CNBD1: variants seen among roughly 807,000 people sequenced by gnomAD.
CNBD1 encodes cyclic nucleotide-binding domain-containing protein 1.
A neutral mutation model predicts 54.4 loss-of-function variants in CNBD1; 71 were observed. The ratio of observed to expected loss-of-function variants is 1.30; its 90% CI spans 1.08 to 1.59. The LOEUF (loss-of-function observed/expected upper bound fraction) is 1.59. Ranked by LOEUF, CNBD1 falls within the 40% of genes most tolerant of loss-of-function variation. The pLI, the probability that CNBD1 is intolerant of heterozygous loss-of-function variation, is 0.00. For missense variants in CNBD1, 659 were observed against 518.0 expected, an observed-to-expected ratio of 1.27 and a Z score of -2.64; for synonymous variants, 182 against 170.7, an observed-to-expected ratio of 1.07 and a Z score of -0.51.
chr8:86,985,133 T>C (rs1808578712), intron 4 of CNBD1, among the ~76,000 whole-genome samples: 1 of 152,118 alleles, frequency 6.6e-6, no homozygotes, highest in Non-Finnish European at 1.5e-5. Context: ...AAAGGAGATT[T>C]TCCCTTCCCA....
chr8:87,081,608 C>A (rs960826315), intron 4 of CNBD1, among the ~76,000 whole-genome samples: 1 of 151,190 alleles, frequency 6.6e-6, no homozygotes, highest in Non-Finnish European at 1.5e-5. Flanking sequence ...CTGGTTCAAG[C>A]GATTCTCCTG....
chr8:87,233,867 T>G (rs1235718463), intron 5 of CNBD1, among the ~76,000 whole-genome samples: 1 of 152,228 alleles, frequency 6.6e-6, no homozygotes, highest in Non-Finnish European at 1.5e-5. Context: ...TAATGCTGTT[T>G]GATAGCATTT....
chr8:87,375,083 C>T (rs1810897778), intron 10 of CNBD1, among the ~76,000 whole-genome samples: 1 of 151,796 alleles, frequency 6.6e-6, no homozygotes, highest in Non-Finnish European at 1.5e-5. Context: ...TTATACAGTA[C>T]ATTTAGAAAT....
intron 2 of CNBD1, among the ~76,000 whole-genome samples, chr8:86,894,464 A>C (rs1392893666): frequency 6.6e-6 from 1 of 152,168 alleles, no homozygotes; most frequent in East Asian, 1.9e-4. Context: ...CCATATGATC[A>C]ATATCTTGCA....
At chr8:87,274,379 T>G (rs1808432350) in intron 6 of CNBD1, among the ~76,000 whole-genome samples, 1 of 147,152 alleles carries the variant, frequency 6.8e-6, no homozygotes, top group African/African-American at 2.6e-5. Flanking sequence ...TAGTTTACAG[T>G]CCCACCAACA....
At chr8:87,322,351 T>A (rs1356150964) in intron 8 of CNBD1, among the ~76,000 whole-genome samples, 1 of 119,344 alleles carries the variant, frequency 8.4e-6, no homozygotes, top group Non-Finnish European at 1.9e-5. Context: ...ATGGTATTTC[T>A]AGTTCTAGAT....
At chr8:87,300,171 T>A (rs1808957038) in intron 8 of CNBD1, among the ~76,000 whole-genome samples, 1 of 152,148 alleles carries the variant, frequency 6.6e-6, no homozygotes, top group African/African-American at 2.4e-5. Context: ...AATATTATAG[T>A]TTTATGAATT....
chr8:87,369,735 T>A (rs910410028), intron 10 of CNBD1, among the ~76,000 whole-genome samples: 3 of 151,796 alleles, frequency 2.0e-5, no homozygotes, highest in African/African-American at 7.3e-5. Flanking sequence ...CTTTTTTTTT[T>A]ATTATTATAC....
At chr8:87,257,989 G>C (rs1391615424) in intron 6 of CNBD1, among the ~76,000 whole-genome samples, 1 of 151,970 alleles carries the variant, frequency 6.6e-6, no homozygotes, top group African/African-American at 2.4e-5. Context: ...ATACAATTTT[G>C]AAACATATCT....
At chr8:87,416,341 A>T (rs1563593847) in intron 2 of CNBD1, among the ~76,000 whole-genome samples, 1 of 152,170 alleles carries the variant, frequency 6.6e-6, no homozygotes. Flanking sequence ...GTTTTCAGTT[A>T]TTTGCAAATT....
intron 4 of CNBD1, among the ~76,000 whole-genome samples, chr8:86,946,257 A>AC (rs1278109847): frequency 7.9e-5 from 12 of 152,240 alleles, no homozygotes; most frequent in Middle Eastern, 3.4e-3. Flanking sequence ...AATTTCTCCT[A>AC]CAACTTATGA....
downstream of CNBD1, among the ~76,000 whole-genome samples, chr8:87,384,083 C>G (rs913022982): frequency 6.6e-6 from 1 of 152,020 alleles, no homozygotes; most frequent in Non-Finnish European, 1.5e-5. Context: ...AATCATTTGG[C>G]TTGTCCTTTA....
intron 6 of CNBD1, among the ~76,000 whole-genome samples, chr8:87,250,752 A>C (rs1341255346): frequency 1.3e-5 from 2 of 152,194 alleles, no homozygotes; most frequent in Non-Finnish European, 2.9e-5. Flanking sequence ...TTAGCACTCA[A>C]ATGTGGGAGC....
chr8:86,914,432 A>C (rs1168385515), intron 3 of CNBD1, among the ~76,000 whole-genome samples: 1 of 152,236 alleles, frequency 6.6e-6, no homozygotes, highest in Non-Finnish European at 1.5e-5. Flanking sequence ...GCCATAGGCT[A>C]TACCATATTA....
At chr8:87,315,355 G>A (rs184228089) in intron 8 of CNBD1, among the ~76,000 whole-genome samples, 1 of 152,052 alleles carries the variant, frequency 6.6e-6, no homozygotes, top group East Asian at 1.9e-4. Context: ...AGGAATACTT[G>A]AAGCTAGGTA....
chr8:87,190,167 G>A (rs1359102533), intron 4 of CNBD1, among the ~76,000 whole-genome samples: 1 of 152,112 alleles, frequency 6.6e-6, no homozygotes, highest in Admixed American at 6.5e-5. Flanking sequence ...TTGGTCAAAT[G>A]TCACATACTT....
At chr8:87,147,631 C>A (rs1216208680) in intron 4 of CNBD1, among the ~76,000 whole-genome samples, 1 of 152,080 alleles carries the variant, frequency 6.6e-6, no homozygotes, top group Admixed American at 6.5e-5. Context: ...TTGAGAGCTT[C>A]TAAAACCTGC....
At chr8:86,942,274 G>A (rs999807393) in intron 4 of CNBD1, among the ~76,000 whole-genome samples, 11 of 152,130 alleles carry the variant, frequency 7.2e-5, no homozygotes, top group African/African-American at 9.7e-5. Context: ...GGACACTAAT[G>A]TATTAGCTTC....
At chr8:86,994,791 G>T (rs77195572) in intron 4 of CNBD1, among the ~76,000 whole-genome samples, 1 of 152,074 alleles carries the variant, frequency 6.6e-6, no homozygotes, top group African/African-American at 2.4e-5. Flanking sequence ...CTCAAAGTAG[G>T]TTGGTTTTGT....
Sources: gnomAD v4.1 joint callset for allele counts (sites outside exome capture counted in the v4.1 genomes callset) on GRCh38, gnomAD v4.1.1 for gene constraint, MANE v1.5 for transcripts, NCBI Gene and HGNC (gene_info 2026-07-23, HGNC 2026-07-21) for gene names.